Variants in SCML4 observed in about 807,000 individuals in gnomAD.
SCML4 encodes sex comb on midleg-like protein 4.
A neutral mutation model predicts 41.1 loss-of-function variants in SCML4; 34 were observed. That is an observed-to-expected ratio of 0.83 (90% CI 0.63 to 1.10). The LOEUF (loss-of-function observed/expected upper bound fraction) is 1.10, where lower values mean the gene tolerates loss of function less well. SCML4 is among the 50% of genes least tolerant of loss of function. The probability of loss-of-function intolerance (pLI) is 0.00; values close to 1 mark genes in which losing one functional copy is unlikely to be tolerated. For synonymous variants in SCML4, 214 were observed against 220.9 expected (o/e 0.97, Z 0.28); for missense variants, 522 against 534.1 (o/e 0.98, Z 0.22).
Position 107,745,126 on chromosome 6 carries a change from C to T in SCML4, c.505G>A (p.Gly169Ser). The change falls in exon 5 of 8, where the codon GGC becomes AGC. Residue 169 changes from glycine (G) to serine (S), a missense_variant. Physicochemically the swap from Gly to Ser is moderately conservative, Grantham distance 56 (BLOSUM62 0). Coordinates refer to ENST00000369020, the MANE Select transcript of SCML4 (RefSeq NM_198081.5). ...EMVSVSASFD[G>S]KQHLRSLPVV... is the part of the protein sequence containing the mutation. ...GGCAGGCTCCGCAGGTGCTGTTTGC[C>T]ATCAAAGGAAGCCGAGACTGGAAAA... 1 of 1,586,208 alleles carries T rather than the reference C, an allele frequency of 6.3e-7. No homozygotes were observed. Among genetic ancestry groups the T allele is most frequent in the Non-Finnish European group, 8.6e-7 (1 of 1,165,780 alleles).
At chr6:107,801,437 C>T (rs989743871) in intron 1 of SCML4, among the ~76,000 whole-genome samples, 1 of 152,168 alleles carries the variant, frequency 6.6e-6, no homozygotes, top group African/African-American at 2.4e-5. Flanking sequence ...TGCCTACCTG[C>T]CCCCCACCCC....
At chr6:107,800,959 A>G (rs2094116329) in intron 1 of SCML4, among the ~76,000 whole-genome samples, 1 of 152,274 alleles carries the variant, frequency 6.6e-6, no homozygotes, top group Non-Finnish European at 1.5e-5. Flanking sequence ...CATTGACAAG[A>G]GTCCGAATCT....
intron 1 of SCML4, among the ~76,000 whole-genome samples, chr6:107,786,147 A>G (rs1781878696): frequency 6.6e-6 from 1 of 152,198 alleles, no homozygotes; most frequent in African/African-American, 2.4e-5. Context: ...CCTGCTTCTA[A>G]TCTGAATCAA....
Position 107,708,028 on chromosome 6 carries a change from G to C in SCML4, c.974-17C>G. 1 of 1,548,912 alleles carries C rather than the reference G, an allele frequency of 6.5e-7. No individual in the cohort carries two copies. Among genetic ancestry groups the C allele is most frequent in the South Asian group, 1.2e-5 (1 of 84,036 alleles). Reference sequence around the variant, plus strand: ...GGCTTGAGGCTGGATGGGGCACAGAGAGGGAGACCATGAGCCAGTGGGACA... The same window carrying C: ...GGCTTGAGGCTGGATGGGGCACAGACAGGGAGACCATGAGCCAGTGGGACA... On this transcript the variant is annotated splice_polypyrimidine_tract_variant and intron_variant, in intron 6 of 7. Coordinates refer to ENST00000369020, the MANE Select transcript of SCML4 (RefSeq NM_198081.5).
chr6:107,705,094 A>T lies in SCML4; in HGVS notation c.*106T>A, dbSNP rs961933881. Reference sequence around the variant, plus strand: ...AAAGACCACGTCTCTGTGGCTGTTAATTTTAAGAGGAGAGTCTAGTTTGTG... The same window carrying T: ...AAAGACCACGTCTCTGTGGCTGTTATTTTTAAGAGGAGAGTCTAGTTTGTG... On this transcript the variant is annotated 3_prime_UTR_variant, in exon 8 of 8. Coordinates refer to ENST00000369020, the MANE Select transcript of SCML4 (RefSeq NM_198081.5). 9.3e-6 allele frequency: 10 copies of T among 1,072,722 alleles called. No individual in the cohort carries two copies. The highest frequency in any genetic ancestry group is 1.4e-5 in the Non-Finnish European group (10 of 720,154). 66.5% of individuals were successfully genotyped at this position (1,072,722 alleles called of 1,614,324 possible). A position where few individuals can be genotyped will look rare whatever the true frequency, so the allele number is the denominator to read the frequency against.
the SCML4 span, among the ~76,000 whole-genome samples, chr6:107,836,998 A>G: frequency 1.4e-4 from 22 of 152,270 alleles, no homozygotes; most frequent in Non-Finnish European, 2.5e-4. Flanking sequence ...CTTATGATCC[A>G]TTTCCAATCT....
At chr6:107,821,092 G>C (rs1410803093) in intron 1 of SCML4, among the ~76,000 whole-genome samples, 1 of 152,180 alleles carries the variant, frequency 6.6e-6, no homozygotes, top group Non-Finnish European at 1.5e-5. Context: ...CCGGGGCTGA[G>C]AGAACTGCTA....
At chr6:107,717,172 A>AAAAAAAAAAAAAAT (rs1321916871) in intron 6 of SCML4, among the ~76,000 whole-genome samples, 4 of 112,764 alleles carry the variant, frequency 3.5e-5, no homozygotes, top group African/African-American at 1.1e-4. Context: ...AAAAAAAAAA[A>AAAAAAAAAAAAAAT]AGCCAGGTGT....
intron 2 of SCML4, among the ~76,000 whole-genome samples, chr6:107,753,642 C>T (rs1778874290): frequency 6.6e-6 from 1 of 151,890 alleles, no homozygotes; most frequent in Non-Finnish European, 1.5e-5. Context: ...TGTTTTTTAG[C>T]AAAATTTAAA....
intron 1 of SCML4, among the ~76,000 whole-genome samples, chr6:107,803,125 C>G (rs1783357195): frequency 6.7e-6 from 1 of 150,366 alleles, no homozygotes; most frequent in East Asian, 1.9e-4. Context: ...CTGCCTTGGC[C>G]CAGCAAAGTG....
chr6:107,751,227 G>A lies in SCML4; in HGVS notation c.157-1414C>T, dbSNP rs375223634. On this transcript the variant is annotated intron_variant, in intron 2 of 7. Coordinates refer to ENST00000369020, the MANE Select transcript of SCML4 (RefSeq NM_198081.5). ...TGATGATGAAAATAAGGAGGGAAGG[G>A]GCATGAGAAGTGCAATTGAGTTGTA... Among the ~76,000 whole-genome samples, 121 of 152,266 alleles carry A rather than the reference G, an allele frequency of 7.9e-4. 1 individual carries two copies. The highest frequency in any genetic ancestry group is 1.6e-3 in the Non-Finnish European group (109 of 68,008).
chr6:107,707,461 C>T (rs1212499994), intron 7 of SCML4, among the ~76,000 whole-genome samples: 5 of 152,170 alleles, frequency 3.3e-5, no homozygotes, highest in South Asian at 2.1e-4. Flanking sequence ...AGTCAGGAAC[C>T]GTGCTGAACA....
chr6:107,839,220 G>C, the SCML4 span, among the ~76,000 whole-genome samples: 2 of 151,726 alleles, frequency 1.3e-5, no homozygotes, highest in Admixed American at 1.3e-4. Context: ...CTGAGCCCTG[G>C]AAGACTGAGG....
At chr6:107,813,114 G>A (rs1328815486) in intron 1 of SCML4, among the ~76,000 whole-genome samples, 7 of 151,760 alleles carry the variant, frequency 4.6e-5, no homozygotes, top group Admixed American at 4.6e-4. Context: ...TATAGTCCCA[G>A]CACTTTGGAA....
At chr6:107,773,313 C>T (rs1780662384) in intron 1 of SCML4, among the ~76,000 whole-genome samples, 2 of 152,076 alleles carry the variant, frequency 1.3e-5, no homozygotes, top group African/African-American at 2.4e-5. Flanking sequence ...CCGGGCACAC[C>T]AGGCACACTG....
chr6:107,839,389 GAAAGAAAGAAAGAAAGAA>G, the SCML4 span, among the ~76,000 whole-genome samples: 1 of 140,816 alleles, frequency 7.1e-6, no homozygotes, highest in African/African-American at 2.8e-5. Context: ...AAGAAAGAAA[GAAAGAAAGAAAGAAAGAA>G]AGAGGAAGAA....
intron 5 of SCML4, among the ~76,000 whole-genome samples, chr6:107,724,290 A>G (rs1034154873): frequency 6.6e-6 from 1 of 152,188 alleles, no homozygotes; most frequent in African/African-American, 2.4e-5. Context: ...TTAACATTGT[A>G]CTAGAGGTTC....
chr6:107,784,881 G>C (rs556094426), intron 1 of SCML4, among the ~76,000 whole-genome samples: 1 of 150,486 alleles, frequency 6.6e-6, no homozygotes, highest in East Asian at 1.9e-4. Flanking sequence ...CACCCCAGTG[G>C]TTTGGCTGAG....
chr6:107,827,525 T>G (rs893448784), upstream of SCML4, among the ~76,000 whole-genome samples: 8 of 152,088 alleles, frequency 5.3e-5, no homozygotes, highest in Non-Finnish European at 8.8e-5. Flanking sequence ...AAGTTAAACA[T>G]GTAAGAAAAA....
Sources: gnomAD v4.1 joint callset for allele counts (sites outside exome capture counted in the v4.1 genomes callset) on GRCh38, gnomAD v4.1.1 for gene constraint, MANE v1.5 for transcripts, NCBI Gene and HGNC (gene_info 2026-07-23, HGNC 2026-07-21) for gene names.